Variants in ESR2 observed in about 807,000 individuals in gnomAD.
ESR2 encodes estrogen receptor beta.
ESR2 carries 36 observed loss-of-function variants against 49.6 expected under a neutral mutation model. That is an observed-to-expected ratio of 0.73 (90% CI 0.56 to 0.96). The LOEUF is 0.96. Ranked by LOEUF, ESR2 falls within the 40% of genes least tolerant of loss-of-function variation. The pLI is 0.00. For synonymous variants in ESR2, 320 were observed against 266.1 expected, an observed-to-expected ratio of 1.20 and a Z score of -1.97; for missense variants, 714 against 693.0, an observed-to-expected ratio of 1.03 and a Z score of -0.34.
Position 64,279,998 on chromosome 14 carries a change from A to C in ESR2, c.518T>G (p.Phe173Cys). The change falls in exon 3 of 9, where the codon TTT (phenylalanine) becomes TGT (cysteine). Residue 173 changes from phenylalanine to cysteine, a missense_variant. Transcript: ENST00000341099. The stretch of plus-strand genomic sequence containing the variant: ...TCTTGTACCTTGAATGCTTCTTTTA[A>C]AAAAGGCCTTACATCCTTCACACGA... Reference protein sequence around the residue: ...VWSCEGCKAFFKRSIQGHNDY... With the variant: ...VWSCEGCKAFCKRSIQGHNDY... The C allele has an allele frequency of 1.2e-6, 2 of 1,613,678 alleles. No individual in the cohort carries two copies. The highest frequency in any genetic ancestry group is 8.5e-7 in the Non-Finnish European group (1 of 1,179,640).
At chr14:64,252,081 C>T (rs2075998775) in intron 6 of ESR2, among the ~76,000 whole-genome samples, 1 of 152,078 alleles carries the variant, frequency 6.6e-6, no homozygotes, top group Admixed American at 6.6e-5. Context: ...TTTGGGGAGG[C>T]CAAAGTGGGA....
chr14:64,242,437 AAACAAAC>A (rs2075750051), intron 7 of ESR2, among the ~76,000 whole-genome samples: 1 of 93,446 alleles, frequency 1.1e-5, no homozygotes, highest in African/African-American at 7.5e-5. Context: ...CAAAACAAAC[AAACAAAC>A]AAAAAAAATA....
At chr14:64,241,874 G>A (rs933461910) in intron 7 of ESR2, among the ~76,000 whole-genome samples, 3 of 152,038 alleles carry the variant, frequency 2.0e-5, no homozygotes, top group Non-Finnish European at 2.9e-5. Context: ...TTCCAATATT[G>A]ATGCCTTTTA....
At chr14:64,277,448 A>ATC (rs2076577525) in intron 3 of ESR2, among the ~76,000 whole-genome samples, 2 of 152,074 alleles carry the variant, frequency 1.3e-5, no homozygotes, top group Non-Finnish European at 2.9e-5. Context: ...ACATGCCGAA[A>ATC]CCCTGTCTCT....
chr14:64,326,229 T>C (rs984541649), intron 1 of ESR2, among the ~76,000 whole-genome samples: 12 of 152,162 alleles, frequency 7.9e-5, no homozygotes, highest in Non-Finnish European at 1.3e-4. Flanking sequence ...AACAGACTTC[T>C]ATAAAATCTT....
intron 2 of ESR2, among the ~76,000 whole-genome samples, chr14:64,282,179 A>C (rs528199997): frequency 6.6e-6 from 1 of 152,200 alleles, no homozygotes; most frequent in East Asian, 1.9e-4. Context: ...CCCTGTCTCT[A>C]CTAAAAATTT....
chr14:64,238,331 G>A (rs914971848), intron 7 of ESR2, among the ~76,000 whole-genome samples: 1 of 152,070 alleles, frequency 6.6e-6, no homozygotes, highest in East Asian at 1.9e-4. Context: ...AGGCATATGC[G>A]AAATCCATTT....
At chr14:64,228,053 C>A (rs745931127), downstream of ESR2, 4 of 1,397,238 alleles carry the variant, frequency 2.9e-6, no homozygotes, top group South Asian at 5.2e-5. Flanking sequence ...GACCTGTGGT[C>A]ATAAATCAAT....
chr14:64,283,629 T>C (rs1408917867), intron 1 of ESR2, among the ~76,000 whole-genome samples: 1 of 151,416 alleles, frequency 6.6e-6, no homozygotes, highest in Non-Finnish European at 1.5e-5. Flanking sequence ...CATGTGCCTG[T>C]TGTCCCAGCT....
chr14:64,240,219 A>G (rs2075691689), intron 7 of ESR2, among the ~76,000 whole-genome samples: 1 of 152,264 alleles, frequency 6.6e-6, no homozygotes, highest in South Asian at 2.1e-4. Flanking sequence ...AGCATGTCAC[A>G]TACACAGGAA....
intron 1 of ESR2, chr14:64,336,374 T>C (rs1037159954): frequency 6.6e-6 from 1 of 152,224 alleles, no homozygotes; most frequent in African/African-American, 2.4e-5. Flanking sequence ...ACTTTATGTA[T>C]AAATATTTCT....
At chr14:64,227,233 A>G (rs2098722197), downstream of ESR2, 2 of 408,868 alleles carry the variant, frequency 4.9e-6, no homozygotes, top group African/African-American at 2.1e-5. Flanking sequence ...AGTGAAGCTC[A>G]TCAGTAGATG....
intron 1 of ESR2, among the ~76,000 whole-genome samples, chr14:64,313,969 GAGAT>G (rs780629491): frequency 6.0e-5 from 9 of 151,162 alleles, no homozygotes; most frequent in Non-Finnish European, 1.3e-4. Flanking sequence ...TTGATAGAAT[GAGAT>G]AGATAATCAG....
chr14:64,234,802 A>C, intron 8 of ESR2, 168 bp downstream of exon 8: 1 of 1,395,226 alleles, frequency 7.2e-7, no homozygotes, highest in Non-Finnish European at 9.5e-7. Context: ...TTCCATGCCC[A>C]CTCTGTGCCC....
chr14:64,241,886 C>T (rs1245758848), intron 7 of ESR2, among the ~76,000 whole-genome samples: 1 of 152,108 alleles, frequency 6.6e-6, no homozygotes, highest in African/African-American at 2.4e-5. Context: ...TGCCTTTTAC[C>T]TCTTTTCTTG....
intron 1 of ESR2, among the ~76,000 whole-genome samples, chr14:64,289,537 GAAA>G (rs1027761264): frequency 7.3e-6 from 1 of 137,770 alleles, no homozygotes; most frequent in African/African-American, 2.7e-5. Context: ...AAAAGAAAAA[GAAA>G]AAAAAAAAGA....
chr14:64,283,164 G>A (rs1197462526), intron 1 of ESR2, 89 bp from the exon 2 acceptor site: 6 of 527,532 alleles, frequency 1.1e-5, no homozygotes, highest in East Asian at 3.1e-5. Flanking sequence ...AAATACATAC[G>A]TTTGTATGAG....
intron 7 of ESR2, among the ~76,000 whole-genome samples, chr14:64,241,145 C>CAAAAAAAAAAAAAA (rs56347632): frequency 3.9e-4 from 37 of 95,392 alleles, no homozygotes; most frequent in East Asian, 2.0e-3. Flanking sequence ...GACTCCGTCT[C>CAAAAAAAAAAAAAA]AAAAAAAAAA....
intron 3 of ESR2, 108 bp downstream of exon 3, chr14:64,279,872 CT>C: frequency 1.1e-6 from 1 of 891,138 alleles, no homozygotes; most frequent in South Asian, 1.5e-5. Flanking sequence ...TCATCAAATA[CT>C]TTGTGTGCCA....
Sources: allele counts gnomAD v4.1 joint callset (sites outside exome capture counted in the v4.1 genomes callset), GRCh38; gene constraint gnomAD v4.1.1; transcripts MANE v1.5; gene names NCBI Gene and HGNC (gene_info 2026-07-23, HGNC 2026-07-21).